The following OPRM1 variants were observed in gnomAD, a reference collection of about 807,000 sequenced individuals.
The protein encoded by OPRM1 is mu-type opioid receptor.
A neutral mutation model predicts 31.8 loss-of-function variants in OPRM1; 27 were observed. That is an observed-to-expected ratio of 0.85 (90% CI 0.63 to 1.17). The LOEUF is 1.17. Ranked by LOEUF, OPRM1 falls within the 50% of genes most tolerant of loss-of-function variation. The probability of loss-of-function intolerance (pLI) is 0.00; values close to 1 mark genes in which losing one functional copy is unlikely to be tolerated. For missense variants in OPRM1, 536 were observed against 511.1 expected, an observed-to-expected ratio of 1.05 and a Z score of -0.47; for synonymous variants, 196 against 189.9, an observed-to-expected ratio of 1.03 and a Z score of -0.26.
At position 154,091,612 on chromosome 6, in the gene OPRM1, G is replaced by C. The variant is rs1316150899; in HGVS notation, c.1164+140G>C. On this transcript the variant is annotated intron_variant, in intron 3 of 3. Transcript: ENST00000330432. ...GAAGCAAATTGTGGTTCTAGTGTTAGAGAAGAGGTTTGTTATATAAACTGT... is the reference window on the plus strand; with the variant it reads ...GAAGCAAATTGTGGTTCTAGTGTTACAGAAGAGGTTTGTTATATAAACTGT... The C allele has an allele frequency of 2.8e-6, 4 of 1,433,658 alleles. No homozygotes were observed. In the East Asian group the frequency reaches 1.0e-4, roughly 36 times the overall value. The allele number at this position is 1,433,658 out of a possible 1,614,324, so 88.8% of individuals were successfully genotyped here. A position where few individuals can be genotyped will look rare whatever the true frequency, so the allele number is the denominator to read the frequency against.
intron 1 of OPRM1, among the ~76,000 whole-genome samples, chr6:154,082,349 T>C (rs1174337567): frequency 6.6e-6 from 1 of 152,198 alleles, no homozygotes; most frequent in African/African-American, 2.4e-5. Flanking sequence ...TTTACTTATA[T>C]TGAGTGATTA....
upstream of OPRM1, chr6:154,039,112 ACTAACT>A (rs532945166): frequency 1.7e-5 from 26 of 1,516,836 alleles, no homozygotes; most frequent in Non-Finnish European, 1.8e-5. Flanking sequence ...GCTACCAAAG[ACTAACT>A]CTATCTCTCT....
At chr6:154,222,635 C>G (rs1035061307) in intron 3 of OPRM1, among the ~76,000 whole-genome samples, 7 of 152,136 alleles carry the variant, frequency 4.6e-5, no homozygotes, top group Admixed American at 4.6e-4. Context: ...CTCAGGAAAA[C>G]CAGGACCATG....
chr6:154,172,500 C>T (rs1295088934), intron 3 of OPRM1, among the ~76,000 whole-genome samples: 1 of 152,252 alleles, frequency 6.6e-6, no homozygotes, highest in African/African-American at 2.4e-5. Flanking sequence ...CCATGCCTGG[C>T]TCGGTGGGTC....
intron 1 of OPRM1, among the ~76,000 whole-genome samples, chr6:154,032,396 C>A (rs1166026238): frequency 6.6e-6 from 1 of 152,152 alleles, no homozygotes; most frequent in African/African-American, 2.4e-5. Context: ...GTGATTTAAA[C>A]AAGATTTTAG....
chr6:154,180,405 TATATATA>T (rs1242132832), intron 3 of OPRM1, among the ~76,000 whole-genome samples: 817 of 41,988 alleles, frequency 0.019, 21 homozygotes, highest in African/African-American at 0.057. Flanking sequence ...TATATATATA[TATATATA>T]TATTTTTTTT....
At chr6:154,091,733 T>C in intron 3 of OPRM1, 2 of 1,208,332 alleles carry the variant, frequency 1.7e-6, no homozygotes, top group Non-Finnish European at 2.1e-6. Flanking sequence ...TTATGGCCTT[T>C]ACTTCTATGC....
rs190766284 is a variant in OPRM1 at position 154,167,768 on chromosome 6, A to G, written c.1164+76296A>G. 1.3e-5 allele frequency: 7 copies of G among 557,732 alleles called. No individual in the cohort carries two copies. In the Admixed American group the frequency reaches 1.6e-4, roughly 13 times the overall value. 34.5% of individuals were successfully genotyped at this position (557,732 alleles called of 1,614,324 possible). A position where few individuals can be genotyped will look rare whatever the true frequency, so the allele number is the denominator to read the frequency against. On this transcript the variant is annotated intron_variant, in intron 3 of 3. Transcript: ENST00000337049. ...ATGTCCTAGTGCTTTAAGAACGTCA[A>G]GATCATCTTGCCCTATAAAGGTTAT...
At chr6:154,023,316 G>T (rs529675986) in intron 1 of OPRM1, among the ~76,000 whole-genome samples, 1 of 151,948 alleles carries the variant, frequency 6.6e-6, no homozygotes, top group Non-Finnish European at 1.5e-5. Context: ...TGTGGCTATT[G>T]TAAATGGAAT....
intron 1 of OPRM1, among the ~76,000 whole-genome samples, chr6:154,077,416 C>A (rs1788094040): frequency 6.6e-6 from 1 of 151,536 alleles, no homozygotes; most frequent in South Asian, 2.1e-4. Context: ...CTATGCCCAG[C>A]CTTCAAGTCA....
intron 3 of OPRM1, among the ~76,000 whole-genome samples, chr6:154,095,227 G>T (rs573538218): frequency 1.3e-5 from 2 of 152,336 alleles, no homozygotes; most frequent in African/African-American, 2.4e-5. Flanking sequence ...GGAGGCAGAG[G>T]TTGCAGTGAG....
chr6:154,151,544 A>G (rs761715949), intron 3 of OPRM1, among the ~76,000 whole-genome samples: 44 of 152,294 alleles, frequency 2.9e-4, no homozygotes, highest in Middle Eastern at 3.4e-3. Context: ...TTTCTGGAAA[A>G]GGAGCACGGT....
intron 3 of OPRM1, among the ~76,000 whole-genome samples, chr6:154,208,325 C>G (rs894921375): frequency 3.9e-5 from 6 of 152,124 alleles, no homozygotes; most frequent in African/African-American, 9.7e-5. Context: ...AACTTTTCCC[C>G]CAAATATCCA....
chr6:154,013,709 C>T (rs1002425904), intron 1 of OPRM1, among the ~76,000 whole-genome samples: 4 of 152,010 alleles, frequency 2.6e-5, no homozygotes, highest in Non-Finnish European at 5.9e-5. Flanking sequence ...CTGATGTTGG[C>T]GGGGGTTGGC....
In OPRM1 at chr6:154,220,924, C is replaced by T. The variant is rs571487048; in HGVS notation, c.1165-25769C>T. ...TAGCAATATTTTGCATGTAGAATTCCGAAAGCTGCAAGATCAGTTACATAA... is the reference window on the plus strand; with the variant it reads ...TAGCAATATTTTGCATGTAGAATTCTGAAAGCTGCAAGATCAGTTACATAA... On this transcript the variant is annotated intron_variant, in intron 3 of 3. Transcript: ENST00000337049. Among the ~76,000 whole-genome samples, 8 of 152,330 alleles carry T rather than the reference C, an allele frequency of 5.3e-5. No homozygotes were observed. In the East Asian group the frequency reaches 1.3e-3, roughly 26 times the overall value.
chr6:154,132,678 CT>C (rs540870007), downstream of OPRM1, among the ~76,000 whole-genome samples: 966 of 152,224 alleles, frequency 6.3e-3, 3 homozygotes, highest in South Asian at 0.018. Flanking sequence ...TGATAGTCTA[CT>C]TTTTTTAAAA....
At chr6:154,012,260 T>G (rs1302443378) in intron 1 of OPRM1, among the ~76,000 whole-genome samples, 4 of 152,214 alleles carry the variant, frequency 2.6e-5, no homozygotes, top group Non-Finnish European at 4.4e-5. Flanking sequence ...AGTTTTCTAA[T>G]CACTGTTATA....
intron 1 of OPRM1, among the ~76,000 whole-genome samples, chr6:154,060,686 A>C (rs1046131659): frequency 1.3e-5 from 2 of 152,156 alleles, no homozygotes; most frequent in Non-Finnish European, 2.9e-5. Context: ...AAATCAGTGG[A>C]TTTCTGCCTC....
chr6:154,053,410 A>G (rs1264071663), intron 1 of OPRM1, among the ~76,000 whole-genome samples: 1 of 152,158 alleles, frequency 6.6e-6, no homozygotes, highest in Non-Finnish European at 1.5e-5. Flanking sequence ...ATAAAAGCTC[A>G]TTGCTTGGAT....
Sources: gnomAD v4.1 joint callset for allele counts (sites outside exome capture counted in the v4.1 genomes callset) on GRCh38, gnomAD v4.1.1 for gene constraint, MANE v1.5 for transcripts, NCBI Gene and HGNC (gene_info 2026-07-23, HGNC 2026-07-21) for gene names.